The following ARL6IP5 variants were observed in gnomAD, a reference collection of about 807,000 sequenced individuals.
ARL6IP5 encodes the protein PRA1 family protein 3.
In ARL6IP5, 6 loss-of-function variants were observed where a neutral mutation model predicts 13.0. The ratio of observed to expected loss-of-function variants is 0.46; its 90% CI spans 0.25 to 0.91. The LOEUF (loss-of-function observed/expected upper bound fraction) is 0.91, where lower values mean the gene tolerates loss of function less well. Ranked by LOEUF, ARL6IP5 falls within the 40% of genes least tolerant of loss-of-function variation. The pLI is 0.17. For missense variants in ARL6IP5, 208 were observed against 248.8 expected (o/e 0.84, Z 1.10); for synonymous variants, 91 against 91.9 (o/e 0.99, Z 0.06).
chr3:69,105,211 G>T lies in ARL6IP5; in HGVS notation c.*575G>T. On this transcript the variant is annotated 3_prime_UTR_variant, in exon 3 of 3. Coordinates refer to ENST00000273258, the MANE Select transcript of ARL6IP5 (RefSeq NM_006407.4). ...TACTTCCTTTACAAATATAAAGATA[G>T]CTGTTTAGGATATTTTGTTACATTT... 3 of 247,646 alleles carry T rather than the reference G, an allele frequency of 1.2e-5. No individual in the cohort carries two copies. The highest frequency in any genetic ancestry group is 2.3e-5 in the Non-Finnish European group (3 of 128,594). 15.3% of individuals were successfully genotyped at this position (247,646 alleles called of 1,614,324 possible).
rs1325794576 is a variant in ARL6IP5 at position 69,101,833 on chromosome 3, T to C, written c.177-6T>C. On this transcript the variant is annotated splice_region_variant and splice_polypyrimidine_tract_variant and intron_variant, in intron 1 of 2. Coordinates refer to ENST00000273258, the MANE Select transcript of ARL6IP5 (RefSeq NM_006407.4). ...CACCCCTCATTTTTTCTTCCTCATA[T>C]TTCAGGTTTCTGAGTCCCTTCAACA... 2.5e-6 allele frequency: 4 copies of C among 1,610,974 alleles called. No individual in the cohort carries two copies. Among genetic ancestry groups the C allele is most frequent in the Non-Finnish European group, 3.4e-6 (4 of 1,178,036 alleles).
chr3:69,103,734 A>G (rs1015909294), intron 2 of ARL6IP5, among the ~76,000 whole-genome samples: 10 of 152,174 alleles, frequency 6.6e-5, no homozygotes, highest in Admixed American at 5.9e-4. Flanking sequence ...GAATTTGCCT[A>G]TTTAACAGGC....
chr3:69,097,170 T>C (rs1251477183), intron 1 of ARL6IP5, among the ~76,000 whole-genome samples: 3 of 152,100 alleles, frequency 2.0e-5, no homozygotes, highest in African/African-American at 7.2e-5. Context: ...ATCTTTTTAT[T>C]TTTTAATTGA....
chr3:69,096,675 C>T (rs544560699), intron 1 of ARL6IP5, among the ~76,000 whole-genome samples: 100 of 142,234 alleles, frequency 7.0e-4, no homozygotes, highest in African/African-American at 2.4e-3. Flanking sequence ...ACAATCTCGG[C>T]TCACTGCAGC....
Position 69,105,219 on chromosome 3 carries a change from G to A in ARL6IP5, c.*583G>A. On this transcript the variant is annotated 3_prime_UTR_variant, in exon 3 of 3. Coordinates refer to ENST00000273258, the MANE Select transcript of ARL6IP5 (RefSeq NM_006407.4). ...TTACAAATATAAAGATAGCTGTTTA[G>A]GATATTTTGTTACATTTTTGTAAAT... The A allele has an allele frequency of 4.4e-6, 1 of 225,740 alleles. No individual in the cohort carries two copies. Among genetic ancestry groups the A allele is most frequent in the Non-Finnish European group, 8.7e-6 (1 of 114,690 alleles). 14.0% of individuals were successfully genotyped at this position (225,740 alleles called of 1,614,324 possible).
In ARL6IP5 at chr3:69,102,331, G is replaced by A. The variant is rs567712832; in HGVS notation, c.394+275G>A. The A allele has an allele frequency of 4.0e-5, 18 of 455,392 alleles. 1 individual carries two copies. The highest frequency in any genetic ancestry group is 3.5e-4 in the East Asian group (8 of 22,694). 28.2% of individuals were successfully genotyped at this position (455,392 alleles called of 1,614,324 possible). A position where few individuals can be genotyped will look rare whatever the true frequency, so the allele number is the denominator to read the frequency against. On this transcript the variant is annotated intron_variant, in intron 2 of 2. Coordinates refer to ENST00000273258, the MANE Select transcript of ARL6IP5 (RefSeq NM_006407.4). ...ACATTCTTTTGTTGTTGTTGAGATG[G>A]GGTCTACTCTGTCACCCACGCTGTG...
chr3:69,104,967 T>A lies in ARL6IP5; in HGVS notation c.*331T>A. On this transcript the variant is annotated 3_prime_UTR_variant, in exon 3 of 3. Coordinates refer to ENST00000273258, the MANE Select transcript of ARL6IP5 (RefSeq NM_006407.4). ...TTACAGCAACAATACGATTATCTTA[T>A]AGGAAAAAAAAAATCATTGTAAAGT... 4 of 667,556 alleles carry A rather than the reference T, an allele frequency of 6.0e-6. No homozygotes were observed. Among genetic ancestry groups the A allele is most frequent in the Admixed American group, 2.5e-5 (1 of 40,260 alleles). The allele number at this position is 667,556 out of a possible 1,614,324, so 41.4% of individuals were successfully genotyped here. A position where few individuals can be genotyped will look rare whatever the true frequency, so the allele number is the denominator to read the frequency against.
At chr3:69,090,271 A>G (rs190026510) in intron 1 of ARL6IP5, among the ~76,000 whole-genome samples, 9 of 152,330 alleles carry the variant, frequency 5.9e-5, no homozygotes, top group African/African-American at 2.2e-4. Flanking sequence ...TGTTTTTGAG[A>G]TTAGTCAGCT....
chr3:69,104,134 G>A (rs1575865870), intron 2 of ARL6IP5, among the ~76,000 whole-genome samples: 1 of 152,160 alleles, frequency 6.6e-6, no homozygotes, highest in South Asian at 2.1e-4. Context: ...ATGGAATCCC[G>A]TTGATTCACT....
rs1227850468 is a variant in ARL6IP5 at position 69,102,188 on chromosome 3, T to G, written c.394+132T>G. The G allele has an allele frequency of 3.2e-6, 3 of 946,780 alleles. No individual in the cohort carries two copies. The East Asian group carries it at 7.8e-5, about 25-fold the overall frequency. 58.6% of individuals were successfully genotyped at this position (946,780 alleles called of 1,614,324 possible). On this transcript the variant is annotated intron_variant, in intron 2 of 2. Transcript: ENST00000273258. ...GTGTCAGAATTTTCTAAAACAGCTT[T>G]CTACTTGTTATCCAACTAGACCCAG...
chr3:69,101,372 G>A (rs2092304716), intron 1 of ARL6IP5, among the ~76,000 whole-genome samples: 1 of 145,964 alleles, frequency 6.9e-6, no homozygotes, highest in Non-Finnish European at 1.5e-5. Context: ...ACCCAGCCAG[G>A]AGTGCAGTGG....
At chr3:69,096,035 C>G (rs75862767) in intron 1 of ARL6IP5, among the ~76,000 whole-genome samples, 1,577 of 151,924 alleles carry the variant, frequency 0.01, 11 homozygotes, top group Middle Eastern at 0.038. Context: ...GTGTGTGTGT[C>G]TGTCTGTCTG....
At chr3:69,096,025 G>A (rs1184101850) in intron 1 of ARL6IP5, among the ~76,000 whole-genome samples, 1 of 152,222 alleles carries the variant, frequency 6.6e-6, no homozygotes, top group African/African-American at 2.4e-5. Flanking sequence ...GAGGGTGTGT[G>A]TGTGTGTGTC....
chr3:69,102,602 A>G (rs2092309418), intron 2 of ARL6IP5, among the ~76,000 whole-genome samples: 2 of 152,318 alleles, frequency 1.3e-5, no homozygotes, highest in Admixed American at 1.3e-4. Flanking sequence ...TAAACAGAAC[A>G]AAGACAAATC....
At position 69,104,911 on chromosome 3, in the gene ARL6IP5, G is replaced by A. The variant is rs373189064; in HGVS notation, c.*275G>A. On this transcript the variant is annotated 3_prime_UTR_variant, in exon 3 of 3. Coordinates refer to ENST00000273258, the MANE Select transcript of ARL6IP5 (RefSeq NM_006407.4). Reference sequence around the variant, plus strand: ...AAATGGATCACACGATTTCTTTAAGGGAATTAAAAAAAATAAAAGAATTAC... The same window carrying A: ...AAATGGATCACACGATTTCTTTAAGAGAATTAAAAAAAATAAAAGAATTAC... 641 of 694,698 alleles carry A rather than the reference G, an allele frequency of 9.2e-4. 14 individuals carry two copies. The South Asian group carries it at 9.5e-3, about 10-fold the overall frequency. The allele number at this position is 694,698 out of a possible 1,614,324, so 43.0% of individuals were successfully genotyped here.
chr3:69,099,163 G>A lies in ARL6IP5; in HGVS notation c.177-2676G>A, dbSNP rs2092296851. Among the ~76,000 whole-genome samples, 3 of 149,852 alleles carry A rather than the reference G, an allele frequency of 2.0e-5. No homozygotes were observed. The South Asian group carries it at 6.4e-4, about 32-fold the overall frequency. On this transcript the variant is annotated intron_variant, in intron 1 of 2. Coordinates refer to ENST00000273258, the MANE Select transcript of ARL6IP5 (RefSeq NM_006407.4). ...TGGGGGGTGGATCACATGAGGTCAG[G>A]AGTTCGAGACCAGCCTGGCCAACAT...
rs76170139 is a variant in ARL6IP5, at chr3:69,094,550, G to T, written c.177-7289G>T. ...TAGAGAAGTCCACCGTGAGTATATT[G>T]TTCCCCACTTTTTCGGTGAGTCAGC... On this transcript the variant is annotated intron_variant, in intron 1 of 2. Coordinates refer to ENST00000273258, the MANE Select transcript of ARL6IP5 (RefSeq NM_006407.4). 5.3e-3 allele frequency among the ~76,000 whole-genome samples: 806 copies of T among 152,130 alleles called. 5 individuals are homozygous for T. Among genetic ancestry groups the T allele is most frequent in the African/African-American group, 0.019 (779 of 41,478 alleles).
chr3:69,098,034 T>C (rs2092292605), intron 1 of ARL6IP5, among the ~76,000 whole-genome samples: 1 of 152,146 alleles, frequency 6.6e-6, no homozygotes, highest in East Asian at 1.9e-4. Context: ...TATATATTCA[T>C]TTTATTTCTG....
At chr3:69,088,145 C>T (rs1312757521) in intron 1 of ARL6IP5, among the ~76,000 whole-genome samples, 5 of 152,148 alleles carry the variant, frequency 3.3e-5, no homozygotes, top group Non-Finnish European at 4.4e-5. Context: ...AACTACTGTT[C>T]TGTCTTACTA....
Sources: allele counts gnomAD v4.1 joint callset (sites outside exome capture counted in the v4.1 genomes callset), GRCh38; gene constraint gnomAD v4.1.1; transcripts MANE v1.5; gene names NCBI Gene and HGNC (gene_info 2026-07-23, HGNC 2026-07-21).